The following COG6 variants were observed in gnomAD, a reference collection of about 807,000 sequenced individuals.
COG6 encodes the protein component of oligomeric golgi complex 6.
COG6 carries 74 observed loss-of-function variants against 88.8 expected under a neutral mutation model. The observed-to-expected ratio is 0.83, with a 90% CI of 0.69 to 1.01. The LOEUF (loss-of-function observed/expected upper bound fraction) is 1.01, where lower values mean the gene tolerates loss of function less well. COG6 is among the 50% of genes least tolerant of loss of function. The pLI, the probability that COG6 is intolerant of heterozygous loss-of-function variation, is 0.00. For synonymous variants in COG6, 286 were observed against 278.7 expected (o/e 1.03, Z -0.26); for missense variants, 800 against 797.9 (o/e 1.00, Z -0.03).
At position 39,655,717 on chromosome 13, in the gene COG6, G is replaced by A. The variant is rs772205293; in HGVS notation, c.-10G>A. 5 of 1,586,658 alleles carry A rather than the reference G, an allele frequency of 3.2e-6. No homozygotes were observed. The Admixed American group carries it at 7.0e-5, about 22-fold the overall frequency. ...CTGAGGTGGCAGCAGGGGGCGGGAC[G>A]CGCAGCGCTATGGCAGAGGGCAGCG... On this transcript the variant is annotated 5_prime_UTR_variant, in exon 1 of 19. Transcript: ENST00000455146.
intron 13 of COG6, among the ~76,000 whole-genome samples, chr13:39,705,938 A>G (rs375316527): frequency 6.6e-6 from 1 of 152,012 alleles, no homozygotes; most frequent in African/African-American, 2.4e-5. Context: ...TTCCTTACAG[A>G]TGATTCTGCC....
chr13:39,766,120 C>G (rs1464100402), intron 18 of COG6, among the ~76,000 whole-genome samples: 1 of 152,214 alleles, frequency 6.6e-6, no homozygotes, highest in Non-Finnish European at 1.5e-5. Context: ...CTGTCTCCAC[C>G]CTTCTCGCCC....
In COG6 at chr13:39,727,541, A is replaced by C. The variant is rs1879201749; in HGVS notation, c.1819A>C (p.Thr607Pro). ...ACAGCTGAACTTTCTTCTAAGTGCC[A>C]CAGTGAAGTAAGTATTTTTGGTCCC... is the stretch of plus-strand genomic sequence containing the variant. ...IPQLNFLLSA[T>P]VKEQIVKQST... The change falls in exon 18 of 19, where the codon ACA (threonine) becomes CCA (proline). Residue 607 changes from threonine to proline, a missense_variant. Coordinates refer to ENST00000455146, the MANE Select transcript of COG6 (RefSeq NM_020751.3). The C allele has an allele frequency of 6.2e-7, 1 of 1,610,804 alleles. No homozygotes were observed. Among genetic ancestry groups the C allele is most frequent in the East Asian group, 2.2e-5 (1 of 44,752 alleles).
chr13:39,739,860 CA>C (rs1879956137), intron 18 of COG6, among the ~76,000 whole-genome samples: 1 of 151,748 alleles, frequency 6.6e-6, no homozygotes, highest in Admixed American at 6.6e-5. Context: ...GTACCAAAAA[CA>C]AAAAAGGCAA....
chr13:39,724,656 T>C, intron 17 of COG6, 95 bp downstream of exon 17: 3 of 944,850 alleles, frequency 3.2e-6, no homozygotes, highest in Non-Finnish European at 5.2e-6. Context: ...GGTGACACTT[T>C]TTATCTCTTG....
intron 3 of COG6, among the ~76,000 whole-genome samples, chr13:39,662,915 C>T (rs560356244): frequency 6.6e-6 from 1 of 151,828 alleles, no homozygotes; most frequent in Non-Finnish European, 1.5e-5. Context: ...TCCTCACTTT[C>T]CCTTTTTCTT....
intron 13 of COG6, 63 bp from the exon 14 acceptor site, chr13:39,719,173 C>T (rs1593448909): frequency 2.0e-6 from 3 of 1,517,898 alleles, no homozygotes; most frequent in East Asian, 2.3e-5. Context: ...TATGAACTTA[C>T]ATTTATACAT....
chr13:39,743,730 G>A (rs1193128390), intron 18 of COG6, among the ~76,000 whole-genome samples: 1 of 152,048 alleles, frequency 6.6e-6, no homozygotes, highest in Non-Finnish European at 1.5e-5. Context: ...AGAAAAAGAG[G>A]GAATCCTCCC....
rs769921180 is a variant in COG6, at chr13:39,660,794, C to G, written c.298-16C>G. The G allele has an allele frequency of 1.3e-6, 2 of 1,544,866 alleles. No homozygotes were observed. The highest frequency in any genetic ancestry group is 2.7e-5 in the African/African-American group (2 of 73,542). On this transcript the variant is annotated splice_polypyrimidine_tract_variant and intron_variant, in intron 2 of 18. Transcript: ENST00000455146. ...GCTGTATATATGATGTTTGATGTTA[C>G]TTTTCTTCTTTTCAGGAACTTGAAA...
chr13:39,720,685 A>C (rs1878804825), intron 15 of COG6, among the ~76,000 whole-genome samples: 1 of 152,056 alleles, frequency 6.6e-6, no homozygotes, highest in African/African-American at 2.4e-5. Flanking sequence ...TTTCTCCCTC[A>C]AAAGCACAAT....
At chr13:39,788,651 G>T in exon 19 of COG6, 1 of 395,808 alleles carries the variant, frequency 2.5e-6, no homozygotes, top group Non-Finnish European at 4.6e-6. Context: ...CTAAAATGGT[G>T]TCTGTCTAAG....
Position 39,719,364 on chromosome 13 carries a change from G to A in COG6, c.1413G>A (p.Val471=). 1.2e-6 allele frequency: 2 copies of A among 1,611,896 alleles called. No individual in the cohort carries two copies. The highest frequency in any genetic ancestry group is 1.7e-6 in the Non-Finnish European group (2 of 1,178,726). Residue 471 remains valine (V), a synonymous_variant, in exon 14 of 19, where the codon GTG becomes GTA. Transcript: ENST00000455146. The part of the protein sequence containing the change: ...VPLDARQADF[V]QVLSCVLDPL... ...TAGATGCTCGTCAAGCTGATTTTGTGCAGGTATGTTATAAATTCATTTTTA... is the reference window on the plus strand; with the variant it reads ...TAGATGCTCGTCAAGCTGATTTTGTACAGGTATGTTATAAATTCATTTTTA...
exon 19 of COG6, chr13:39,788,335 G>A (rs375175785): frequency 5.7e-5 from 88 of 1,551,688 alleles, no homozygotes; most frequent in Non-Finnish European, 6.7e-5. Context: ...TTGCTCACAG[G>A]CGTCCACCCA....
At chr13:39,689,243 G>T (rs918587849) in intron 10 of COG6, among the ~76,000 whole-genome samples, 11 of 152,152 alleles carry the variant, frequency 7.2e-5, no homozygotes, top group African/African-American at 2.7e-4. Context: ...GAAAATGAAG[G>T]TGATTACAAG....
intron 18 of COG6, among the ~76,000 whole-genome samples, chr13:39,776,448 T>C (rs1217642493): frequency 6.6e-6 from 1 of 152,244 alleles, no homozygotes; most frequent in Non-Finnish European, 1.5e-5. Flanking sequence ...AATAGCTGTC[T>C]CTGTCTTCTC....
At chr13:39,693,526 T>C (rs1292274869) in intron 11 of COG6, among the ~76,000 whole-genome samples, 2 of 152,002 alleles carry the variant, frequency 1.3e-5, no homozygotes, top group Non-Finnish European at 2.9e-5. Context: ...ATGTAATGTA[T>C]AATTTAAGTC....
At chr13:39,746,437 C>G (rs1880357164) in intron 18 of COG6, among the ~76,000 whole-genome samples, 1 of 152,094 alleles carries the variant, frequency 6.6e-6, no homozygotes, top group Non-Finnish European at 1.5e-5. Flanking sequence ...CTAACAACAA[C>G]AACAAAAAAA....
chr13:39,682,238 C>T lies in COG6; in HGVS notation c.762C>T (p.Ala254=). ...CAGTATTGACACAGGCAATGGAAGC[C>T]CTGCAGGACAGACCTGTCTTATATA... ...VSPVLTQAME[A]LQDRPVLYKY... Residue 254 remains alanine (A), a synonymous_variant, in exon 8 of 19, where the codon GCC becomes GCT. Transcript: ENST00000455146. The T allele has an allele frequency of 6.2e-7, 1 of 1,611,088 alleles. No individual in the cohort carries two copies. Among genetic ancestry groups the T allele is most frequent in the Non-Finnish European group, 8.5e-7 (1 of 1,177,466 alleles).
intron 17 of COG6, 131 bp downstream of exon 17, chr13:39,724,692 A>G (rs1879040925): frequency 8.2e-6 from 6 of 729,390 alleles, no homozygotes; most frequent in Admixed American, 4.6e-5. Context: ...GTTGGGTCCA[A>G]TAATAATGAC....
Sources: allele counts gnomAD v4.1 joint callset (sites outside exome capture counted in the v4.1 genomes callset), GRCh38; gene constraint gnomAD v4.1.1; transcripts MANE v1.5; gene names NCBI Gene and HGNC (gene_info 2026-07-23, HGNC 2026-07-21).